The following SYNDIG1 variants were observed in gnomAD, a reference collection of about 807,000 sequenced individuals.
The protein encoded by SYNDIG1 is synapse differentiation-inducing gene protein 1.
Under a neutral mutation model 19.4 loss-of-function variants are expected in SYNDIG1, and 9 were observed. That is an observed-to-expected ratio of 0.46 (90% CI 0.28 to 0.81). The LOEUF (loss-of-function observed/expected upper bound fraction) is 0.81. Ranked by LOEUF, SYNDIG1 falls within the 30% of genes least tolerant of loss-of-function variation. The pLI is 0.12. For synonymous variants in SYNDIG1, 141 were observed against 145.9 expected (o/e 0.97, Z 0.24); for missense variants, 311 against 343.3 (o/e 0.91, Z 0.74).
chr20:24,524,192 A>G (rs1370827650), intron 1 of SYNDIG1, among the ~76,000 whole-genome samples: 1 of 152,160 alleles, frequency 6.6e-6, no homozygotes, highest in African/African-American at 2.4e-5. Flanking sequence ...TTGCCTGTCC[A>G]TGTGCATGGT....
intron 3 of SYNDIG1, among the ~76,000 whole-genome samples, chr20:24,659,086 C>T (rs1170871773): frequency 1.3e-5 from 2 of 152,172 alleles, no homozygotes; most frequent in Non-Finnish European, 2.9e-5. Context: ...CCGTTCTGTA[C>T]TGCTGAGCGT....
chr20:24,627,042 G>A (rs987548707), intron 3 of SYNDIG1, among the ~76,000 whole-genome samples: 1 of 152,024 alleles, frequency 6.6e-6, no homozygotes, highest in East Asian at 1.9e-4. Context: ...TCCAGCTTCG[G>A]CTCGGCATGA....
intron 3 of SYNDIG1, among the ~76,000 whole-genome samples, chr20:24,614,566 T>C (rs1203139941): frequency 2.1e-5 from 3 of 144,084 alleles, no homozygotes; most frequent in African/African-American, 7.8e-5. Flanking sequence ...CAGCAATATA[T>C]TAAATTAGAT....
chr20:24,585,052 G>A, intron 3 of SYNDIG1, 59 bp downstream of exon 3: 6 of 844,044 alleles, frequency 7.1e-6, no homozygotes, highest in South Asian at 1.4e-5. Context: ...TGGGGGTGGG[G>A]GCGGCAATCC....
intron 3 of SYNDIG1, among the ~76,000 whole-genome samples, chr20:24,600,261 T>A (rs937820313): frequency 6.6e-6 from 1 of 152,238 alleles, no homozygotes. Flanking sequence ...TGAATGAGTC[T>A]TTGTGTTTAT....
intron 3 of SYNDIG1, among the ~76,000 whole-genome samples, chr20:24,636,463 G>T (rs992379137): frequency 1.4e-4 from 21 of 152,214 alleles, no homozygotes; most frequent in African/African-American, 4.8e-4. Context: ...CTGGCTTGAG[G>T]AGGCAGTGTC....
intron 2 of SYNDIG1, among the ~76,000 whole-genome samples, chr20:24,580,465 C>T (rs1402560599): frequency 6.6e-6 from 1 of 152,144 alleles, no homozygotes; most frequent in Non-Finnish European, 1.5e-5. Context: ...GGCTGGAGTG[C>T]AATGATGCAA....
chr20:24,625,759 ACTT>A (rs1441857015), intron 3 of SYNDIG1, among the ~76,000 whole-genome samples: 1 of 152,212 alleles, frequency 6.6e-6, no homozygotes, highest in Non-Finnish European at 1.5e-5. Flanking sequence ...TCCCATGTCT[ACTT>A]CTTTCTACAC....
chr20:24,590,925 C>G (rs1242898639), intron 3 of SYNDIG1, among the ~76,000 whole-genome samples: 1 of 152,122 alleles, frequency 6.6e-6, no homozygotes, highest in Non-Finnish European at 1.5e-5. Context: ...AGGAAGGGAA[C>G]CATCCAGCGA....
At chr20:24,499,314 T>C (rs767791105) in intron 1 of SYNDIG1, among the ~76,000 whole-genome samples, 4 of 152,192 alleles carry the variant, frequency 2.6e-5, no homozygotes, top group Non-Finnish European at 4.4e-5. Context: ...CGTGAGCCAC[T>C]GCGCTCAGCC....
chr20:24,649,325 T>G (rs550139068), intron 3 of SYNDIG1, among the ~76,000 whole-genome samples: 1 of 152,196 alleles, frequency 6.6e-6, no homozygotes, highest in Non-Finnish European at 1.5e-5. Context: ...TCCATTGAGA[T>G]CTAAGATTTT....
At position 24,543,081 on chromosome 20, in the gene SYNDIG1, GC is replaced by G; in HGVS notation, c.-15del. ...TCCCAGCCCACCAGCCTGACGCCCAGCCAGGGAGAGAGTACCATGGATGGCA... is the reference window on the plus strand; with the variant it reads ...TCCCAGCCCACCAGCCTGACGCCCAGCAGGGAGAGAGTACCATGGATGGCA... On this transcript the variant is annotated 5_prime_UTR_variant, in exon 2 of 4. Transcript: ENST00000376862. 1.2e-6 allele frequency: 2 copies of G among 1,606,358 alleles called. No individual in the cohort carries two copies. The highest frequency in any genetic ancestry group is 1.7e-6 in the Non-Finnish European group (2 of 1,174,120).
chr20:24,543,461 A>G lies in SYNDIG1; in HGVS notation c.364A>G (p.Thr122Ala), dbSNP rs1165159338. The change falls in exon 2 of 4, where the codon ACC becomes GCC. Residue 122 changes from threonine to alanine, a missense_variant. Thr to Ala is a moderately conservative substitution (Grantham distance 58). Transcript: ENST00000376862. ...CACCTTCATCGAGGACCGGTCGCCC[A>G]CCAAAGACAGCCTCGAGTACCCGGA... ...ETTFIEDRSP[T>A]KDSLEYPDGK... 6.2e-7 allele frequency: 1 copy of G among 1,613,564 alleles called. No individual in the cohort carries two copies. Among genetic ancestry groups the G allele is most frequent in the Admixed American group, 1.7e-5 (1 of 60,020 alleles).
intron 1 of SYNDIG1, among the ~76,000 whole-genome samples, chr20:24,531,771 A>G (rs2057265378): frequency 6.6e-6 from 1 of 152,228 alleles, no homozygotes; most frequent in African/African-American, 2.4e-5. Flanking sequence ...TATGTGTGCT[A>G]CGTGCAGGTG....
chr20:24,579,912 C>T (rs1036510730), intron 2 of SYNDIG1, among the ~76,000 whole-genome samples: 7 of 152,144 alleles, frequency 4.6e-5, no homozygotes, highest in African/African-American at 9.7e-5. Context: ...TCATGCCCTG[C>T]GCTATGATTA....
intron 2 of SYNDIG1, among the ~76,000 whole-genome samples, chr20:24,568,595 C>T (rs552343714): frequency 1.8e-4 from 27 of 152,294 alleles, no homozygotes; most frequent in African/African-American, 4.3e-4. Context: ...GAAAAGCCAG[C>T]GGCCAAACCA....
At chr20:24,570,815 C>A (rs543425346) in intron 2 of SYNDIG1, among the ~76,000 whole-genome samples, 1 of 152,326 alleles carries the variant, frequency 6.6e-6, no homozygotes, top group South Asian at 2.1e-4. Context: ...CTTACATTCA[C>A]ACAAAAACCC....
chr20:24,650,140 A>T (rs1292440522), intron 3 of SYNDIG1, among the ~76,000 whole-genome samples: 1 of 151,930 alleles, frequency 6.6e-6, no homozygotes, highest in Non-Finnish European at 1.5e-5. Flanking sequence ...AGCAAGTTCC[A>T]CTCTGTGAGT....
At chr20:24,553,950 G>C (rs1322555541) in intron 2 of SYNDIG1, among the ~76,000 whole-genome samples, 4 of 152,198 alleles carry the variant, frequency 2.6e-5, no homozygotes, top group Non-Finnish European at 5.9e-5. Context: ...AGCATGGAAT[G>C]TTCTTCCATT....
Sources: allele counts gnomAD v4.1 joint callset (sites outside exome capture counted in the v4.1 genomes callset), GRCh38; gene constraint gnomAD v4.1.1; transcripts MANE v1.5; gene names NCBI Gene and HGNC (gene_info 2026-07-23, HGNC 2026-07-21).